KIF18A: variants seen among roughly 807,000 people sequenced by gnomAD.
KIF18A encodes kinesin-like protein KIF18A.
Under a neutral mutation model 103.3 loss-of-function variants are expected in KIF18A, and 67 were observed. The observed-to-expected ratio is 0.65, with a 90% CI of 0.53 to 0.79. The LOEUF (loss-of-function observed/expected upper bound fraction) is 0.79, where lower values mean the gene tolerates loss of function less well. KIF18A is among the 30% of genes least tolerant of loss of function. The pLI, the probability that KIF18A is intolerant of heterozygous loss-of-function variation, is 0.00. For synonymous variants in KIF18A, 367 were observed against 355.5 expected, an observed-to-expected ratio of 1.03 and a Z score of -0.36; for missense variants, 1,032 against 1,062.5, an observed-to-expected ratio of 0.97 and a Z score of 0.40.
At chr11:28,087,474 A>G (rs2133556956) in intron 6 of KIF18A, among the ~76,000 whole-genome samples, 1 of 152,198 alleles carries the variant, frequency 6.6e-6, no homozygotes, top group South Asian at 2.1e-4. Flanking sequence ...CATTTTCTTT[A>G]TCTAGTCTAT....
intron 13 of KIF18A, among the ~76,000 whole-genome samples, chr11:28,049,210 AT>A (rs1338539973): frequency 6.6e-6 from 1 of 152,038 alleles, no homozygotes; most frequent in Non-Finnish European, 1.5e-5. Context: ...CTAAAACATA[AT>A]TGCTAAATGG....
intron 15 of KIF18A, among the ~76,000 whole-genome samples, chr11:28,034,542 G>C (rs997421085): frequency 5.3e-5 from 8 of 151,632 alleles, no homozygotes; most frequent in African/African-American, 1.7e-4. Flanking sequence ...AGCCTCATAA[G>C]AACATCAAAA....
intron 1 of KIF18A, among the ~76,000 whole-genome samples, chr11:28,100,901 G>T (rs1851437644): frequency 6.6e-6 from 1 of 152,040 alleles, no homozygotes; most frequent in Non-Finnish European, 1.5e-5. Flanking sequence ...TATGACCTTG[G>T]ACAAGTTACT....
Position 28,084,761 on chromosome 11 carries a change from C to T in KIF18A, c.945G>A (p.Leu315=). The part of the protein sequence containing the change: ...IPYRNSKLTR[L]LKDSLGGNCQ... ...AGTTTCCTCCAAGAGAATCCTTTAA[C>T]AAGCGAGTAAGCTTACTATTTCTGT... Residue 315 remains leucine (L), a synonymous_variant, in exon 7 of 17, where the codon TTG becomes TTA. Transcript: ENST00000263181. 1 of 1,613,238 alleles carries T rather than the reference C, an allele frequency of 6.2e-7. No homozygotes were observed. Among genetic ancestry groups the T allele is most frequent in the Non-Finnish European group, 8.5e-7 (1 of 1,179,340 alleles).
intron 13 of KIF18A, among the ~76,000 whole-genome samples, chr11:28,051,453 C>T (rs577422971): frequency 5.9e-5 from 9 of 151,828 alleles, no homozygotes; most frequent in African/African-American, 9.6e-5. Flanking sequence ...TATAAGAATG[C>T]TAGTCTCCTT....
At chr11:28,065,792 G>A (rs1269036190) in intron 11 of KIF18A, among the ~76,000 whole-genome samples, 1 of 151,920 alleles carries the variant, frequency 6.6e-6, no homozygotes, top group Non-Finnish European at 1.5e-5. Context: ...CTGATTACAT[G>A]GACAAACATA....
rs1044129254 is a variant in KIF18A, at chr11:28,094,866, T to C, written c.326-66A>G. 8 of 1,406,480 alleles carry C rather than the reference T, an allele frequency of 5.7e-6. No homozygotes were observed. In the South Asian group the frequency reaches 6.9e-5, roughly 12 times the overall value. The allele number at this position is 1,406,480 out of a possible 1,614,324, so 87.1% of individuals were successfully genotyped here. A position where few individuals can be genotyped will look rare whatever the true frequency, so the allele number is the denominator to read the frequency against. ...ATATAACTCTATTATATCTACTATC[T>C]AGTGGATAGTTCCATCTGGATATCC... On this transcript the variant is annotated intron_variant, in intron 2 of 16. Coordinates refer to ENST00000263181, the MANE Select transcript of KIF18A (RefSeq NM_031217.4).
chr11:28,089,106 T>C (rs1000571675), intron 5 of KIF18A, among the ~76,000 whole-genome samples: 5 of 152,218 alleles, frequency 3.3e-5, no homozygotes, highest in South Asian at 4.1e-4. Context: ...TGTATGTATC[T>C]AGAGATTGCC....
intron 15 of KIF18A, among the ~76,000 whole-genome samples, chr11:28,025,692 T>C (rs1850309570): frequency 6.6e-6 from 1 of 151,990 alleles, no homozygotes; most frequent in East Asian, 1.9e-4. Flanking sequence ...AACATTTATG[T>C]TGTAGGTCAT....
intron 9 of KIF18A, among the ~76,000 whole-genome samples, chr11:28,080,194 AC>A (rs1851146912): frequency 6.6e-6 from 1 of 152,104 alleles, no homozygotes; most frequent in Admixed American, 6.6e-5. Context: ...ACTATCTTAT[AC>A]CTAAGTTCTG....
chr11:28,035,737 C>T (rs982902135), intron 14 of KIF18A, among the ~76,000 whole-genome samples: 19 of 151,448 alleles, frequency 1.3e-4, no homozygotes, highest in African/African-American at 4.1e-4. Context: ...AGGTATTTTT[C>T]TTTCCATATT....
Position 28,036,277 on chromosome 11 carries a change from G to C in KIF18A, c.2336C>G (p.Ser779Trp), listed in dbSNP as rs1308931956. ...TFTICEDIKS[S>W]KCKLPEQESL... Reference sequence around the variant, plus strand: ...TTCTTGTTCGGGTAATTTACACTTCGAGCTCTTGATGTCTTCACATATAGT... The same window carrying C: ...TTCTTGTTCGGGTAATTTACACTTCCAGCTCTTGATGTCTTCACATATAGT... The change falls in exon 14 of 17, where the codon TCG becomes TGG. Residue 779 changes from serine to tryptophan, a missense_variant. Transcript: ENST00000263181. The C allele has an allele frequency of 1.9e-6, 3 of 1,608,364 alleles. No individual in the cohort carries two copies. The Admixed American group carries it at 5.0e-5, about 27-fold the overall frequency.
intron 3 of KIF18A, among the ~76,000 whole-genome samples, chr11:28,092,844 A>C (rs756355163): frequency 2.0e-5 from 3 of 152,210 alleles, no homozygotes; most frequent in Non-Finnish European, 4.4e-5. Flanking sequence ...ATATTTTTAA[A>C]TCATATCTTT....
intron 1 of KIF18A, among the ~76,000 whole-genome samples, chr11:28,106,551 CA>C (rs11301094): frequency 0.3 from 24,620 of 82,390 alleles, 2,083 homozygotes; most frequent in East Asian, 0.59. Context: ...CAGTTGTCAG[CA>C]AAAAAAAAAA....
At chr11:28,078,505 T>C (rs890257523) in intron 9 of KIF18A, among the ~76,000 whole-genome samples, 2 of 152,086 alleles carry the variant, frequency 1.3e-5, no homozygotes, top group Non-Finnish European at 2.9e-5. Context: ...GGAAGGGAAT[T>C]GGTATCAAAG....
At chr11:28,051,192 C>G (rs1344257301) in intron 13 of KIF18A, among the ~76,000 whole-genome samples, 1 of 151,598 alleles carries the variant, frequency 6.6e-6, no homozygotes, top group Non-Finnish European at 1.5e-5. Flanking sequence ...TTCCTTGAAA[C>G]TGGAAATTAT....
chr11:28,076,988 T>A lies in KIF18A; in HGVS notation c.1425+19A>T, dbSNP rs1241595228. 3.2e-6 allele frequency: 4 copies of A among 1,240,336 alleles called. No homozygotes were observed. The highest frequency in any genetic ancestry group is 4.3e-6 in the Non-Finnish European group (4 of 924,314). 76.8% of individuals were successfully genotyped at this position (1,240,336 alleles called of 1,614,324 possible). ...TGTTTTTATACTTTCTAAAATTTAA[T>A]TATAAAATTGTTAATTACCTTTTCT... On this transcript the variant is annotated intron_variant, in intron 10 of 16. Coordinates refer to ENST00000263181, the MANE Select transcript of KIF18A (RefSeq NM_031217.4).
chr11:28,091,540 ATTGATG>A, intron 3 of KIF18A, 27 bp from the exon 4 acceptor site: 1 of 1,268,494 alleles, frequency 7.9e-7, no homozygotes, highest in African/African-American at 1.5e-5. Flanking sequence ...CTGCTTTAGC[ATTGATG>A]TAAAAAAAAA....
rs571567974 is a variant in KIF18A at position 28,086,617 on chromosome 11, C to A, written c.898-1809G>T. 6.5e-4 allele frequency among the ~76,000 whole-genome samples: 99 copies of A among 152,264 alleles called. 1 individual carries two copies. In the South Asian group the frequency reaches 0.02, roughly 31 times the overall value. ...TAAAGTGAAATGATTTGACTAGGGTCACAAAGCTAGTAGTTCAAAGAGCCA... is the reference window on the plus strand; with the variant it reads ...TAAAGTGAAATGATTTGACTAGGGTAACAAAGCTAGTAGTTCAAAGAGCCA... On this transcript the variant is annotated intron_variant, in intron 6 of 16. Transcript: ENST00000263181.
Sources: allele counts gnomAD v4.1 joint callset (sites outside exome capture counted in the v4.1 genomes callset), GRCh38; gene constraint gnomAD v4.1.1; transcripts MANE v1.5; gene names NCBI Gene and HGNC (gene_info 2026-07-23, HGNC 2026-07-21).